GLB1: variants seen among roughly 807,000 people sequenced by gnomAD.
The protein encoded by GLB1 is galactosidase beta 1, also known as beta-galactosidase.
GLB1 carries 56 observed loss-of-function variants against 74.0 expected under a neutral mutation model. The ratio of observed to expected loss-of-function variants is 0.76; its 90% CI spans 0.61 to 0.94. The LOEUF is 0.94. Ranked by LOEUF, GLB1 falls within the 40% of genes least tolerant of loss-of-function variation. The pLI, the probability that GLB1 is intolerant of heterozygous loss-of-function variation, is 0.00. For synonymous variants in GLB1, 323 were observed against 323.6 expected (o/e 1.00, Z 0.02); for missense variants, 787 against 845.5 (o/e 0.93, Z 0.86).
At chr3:33,079,308 T>G (rs552482004) in intron 1 of GLB1, among the ~76,000 whole-genome samples, 10 of 152,180 alleles carry the variant, frequency 6.6e-5, no homozygotes, top group Non-Finnish European at 1.0e-4. Context: ...CATCAAATGG[T>G]ACGTTTAAGA....
chr3:33,007,216 T>G (rs1696824847), intron 15 of GLB1, among the ~76,000 whole-genome samples: 1 of 152,234 alleles, frequency 6.6e-6, no homozygotes, highest in African/African-American at 2.4e-5. Flanking sequence ...GCCTTGTGTG[T>G]GGCACTTTAT....
intron 12 of GLB1, among the ~76,000 whole-genome samples, chr3:33,019,752 G>A (rs1697392435): frequency 6.6e-6 from 1 of 152,226 alleles, no homozygotes; most frequent in Non-Finnish European, 1.5e-5. Flanking sequence ...GGAAAGCTTT[G>A]TCAAGGGCTT....
At chr3:32,988,324 G>A in the GLB1 span, among the ~76,000 whole-genome samples, 41 of 152,120 alleles carry the variant, frequency 2.7e-4, no homozygotes, top group African/African-American at 9.9e-4. Flanking sequence ...GGCAAAATTG[G>A]TCACTAAGAG....
chr3:32,976,405 G>A, the GLB1 span, among the ~76,000 whole-genome samples: 2 of 152,120 alleles, frequency 1.3e-5, no homozygotes, highest in African/African-American at 2.4e-5. Context: ...AGGCTGCCTT[G>A]GTCCACATGC....
intron 14 of GLB1, among the ~76,000 whole-genome samples, chr3:33,016,148 C>A (rs1184804626): frequency 6.6e-6 from 1 of 152,122 alleles, no homozygotes; most frequent in Non-Finnish European, 1.5e-5. Context: ...TAAAACAGGG[C>A]AGAACAGAGG....
chr3:33,093,246 C>A lies in GLB1; in HGVS notation c.75+3765G>T. 1 of 1,614,132 alleles carries A rather than the reference C, an allele frequency of 6.2e-7. No homozygotes were observed. The highest frequency in any genetic ancestry group is 2.2e-5 in the East Asian group (1 of 44,870). ...ATCCTCACTCCCACTGCCACTGCCA[C>A]CACCACCACGTTGGGCCCGTGTGGC... On this transcript the variant is annotated intron_variant, in intron 1 of 15. Coordinates refer to ENST00000307363, the MANE Select transcript of GLB1 (RefSeq NM_000404.4). This position sits in a 1 kb window ranked among gnomAD's most constrained non-coding sequence, Gnocchi z 6.0.
intron 1 of GLB1, chr3:33,094,320 G>C (rs1700911900): frequency 3.4e-6 from 5 of 1,472,970 alleles, no homozygotes; most frequent in Middle Eastern, 2.1e-4. Flanking sequence ...CCAGGAACCA[G>C]CATCAGCTTT....
At chr3:32,985,763 T>A in the GLB1 span, among the ~76,000 whole-genome samples, 1 of 152,168 alleles carries the variant, frequency 6.6e-6, no homozygotes, top group Non-Finnish European at 1.5e-5. Context: ...TTCAGTGCAG[T>A]GGCATGATTT....
chr3:33,068,972 T>C lies in GLB1; in HGVS notation c.246-2A>G, dbSNP rs2125548861. On this transcript the variant is annotated splice_acceptor_variant, in intron 2 of 15. Coordinates refer to ENST00000307363, the MANE Select transcript of GLB1 (RefSeq NM_000404.4). LOFTEE classifies it high-confidence loss of function. Reference sequence around the variant, plus strand: ...TCATGAAAGTTCCAGGGCACATACCTGCCAAGACACACACAGCCCCTTCCT... The same window carrying C: ...TCATGAAAGTTCCAGGGCACATACCCGCCAAGACACACACAGCCCCTTCCT... 1.2e-6 allele frequency: 2 copies of C among 1,614,142 alleles called. No homozygotes were observed. Among genetic ancestry groups the C allele is most frequent in the South Asian group, 1.1e-5 (1 of 91,070 alleles).
In GLB1 at chr3:33,097,086, G is replaced by C; in HGVS notation, c.-1C>G. On this transcript the variant is annotated 5_prime_UTR_variant, in exon 1 of 16. Transcript: ENST00000307363. ...GGATGCGAACCAGGAACCCCGGCATGACCACCAGCCTCCCGGCTCTGCAGT... is the reference window on the plus strand; with the variant it reads ...GGATGCGAACCAGGAACCCCGGCATCACCACCAGCCTCCCGGCTCTGCAGT... The C allele has an allele frequency of 6.2e-7, 1 of 1,612,474 alleles. No individual in the cohort carries two copies. Among genetic ancestry groups the C allele is most frequent in the Non-Finnish European group, 8.5e-7 (1 of 1,179,050 alleles).
chr3:33,018,891 G>C (rs1037000480), intron 12 of GLB1, among the ~76,000 whole-genome samples: 1 of 152,164 alleles, frequency 6.6e-6, no homozygotes, highest in Admixed American at 6.5e-5. Flanking sequence ...AGTTATGGAT[G>C]TTAGCTCCAA....
At chr3:33,096,149 T>C (rs1030404804) in intron 1 of GLB1, among the ~76,000 whole-genome samples, 1 of 152,154 alleles carries the variant, frequency 6.6e-6, no homozygotes, top group African/African-American at 2.4e-5. Context: ...ACCTACACCC[T>C]GGAGGAACCA....
the GLB1 span, among the ~76,000 whole-genome samples, chr3:32,977,208 ATT>A: frequency 7.8e-5 from 11 of 140,134 alleles, no homozygotes; most frequent in African/African-American, 5.3e-5. Context: ...CCTCATCTAG[ATT>A]TTTTTTTTTT....
chr3:32,967,929 G>A, the GLB1 span, among the ~76,000 whole-genome samples: 305 of 152,296 alleles, frequency 2.0e-3, 1 homozygote, highest in Admixed American at 3.5e-3. Context: ...GCCCAAGGCA[G>A]GGAAGCCTGT....
At position 33,011,970 on chromosome 3, in the gene GLB1, G is replaced by A. The variant is rs372654257; in HGVS notation, c.1734+2086C>T. Reference sequence around the variant, plus strand: ...GGGCCTCCTTGCTTCTAAAACCACCGAAGTGCTTCTGTCTTTATCTTATTT... The same window carrying A: ...GGGCCTCCTTGCTTCTAAAACCACCAAAGTGCTTCTGTCTTTATCTTATTT... On this transcript the variant is annotated intron_variant, in intron 15 of 15. Coordinates refer to ENST00000307363, the MANE Select transcript of GLB1 (RefSeq NM_000404.4). 3.9e-5 allele frequency among the ~76,000 whole-genome samples: 6 copies of A among 152,258 alleles called. No individual in the cohort carries two copies. In the East Asian group the frequency reaches 9.6e-4, roughly 24 times the overall value.
At chr3:33,008,089 C>A (rs868700926) in intron 15 of GLB1, among the ~76,000 whole-genome samples, 1 of 152,174 alleles carries the variant, frequency 6.6e-6, no homozygotes, top group East Asian at 1.9e-4. Context: ...GTAACTCTTG[C>A]GTGTGACACC....
the GLB1 span, among the ~76,000 whole-genome samples, chr3:32,963,290 G>GA: frequency 3.3e-5 from 5 of 151,696 alleles, no homozygotes; most frequent in South Asian, 2.1e-4. Context: ...ATTCCAAACA[G>GA]AAAAAAAATA....
rs1405705728 is a variant in GLB1, at chr3:33,018,557, T to A, written c.1238A>T (p.Tyr413Phe). 1 of 1,613,920 alleles carries A rather than the reference T, an allele frequency of 6.2e-7. No individual in the cohort carries two copies. The highest frequency in any genetic ancestry group is 1.3e-5 in the African/African-American group (1 of 74,876). Reference protein sequence around the residue: ...PLTFIQVKQHYGFVLYRTTLP... With the variant: ...PLTFIQVKQHFGFVLYRTTLP... ...TGTTGTCCGGTACAGCACAAACCCA[T>A]AATGCTGGTTAGAAAAGGATTTAAG... Residue 413 changes from tyrosine (Y) to phenylalanine (F), a missense_variant, in exon 13 of 16, where the codon TAT becomes TTT. Physicochemically the swap from Tyr to Phe is conservative, Grantham distance 22 (BLOSUM62 3). Transcript: ENST00000307363.
chr3:33,069,491 C>T (rs1699814983), intron 2 of GLB1, among the ~76,000 whole-genome samples: 1 of 152,106 alleles, frequency 6.6e-6, no homozygotes, highest in Admixed American at 6.5e-5. Flanking sequence ...TCCAATGGGC[C>T]CACTGAGGCT....
Sources: gnomAD v4.1 joint callset for allele counts (sites outside exome capture counted in the v4.1 genomes callset) on GRCh38, gnomAD v4.1.1 for gene constraint, Gnocchi (gnomAD v3.1) non-coding constraint, MANE v1.5 for transcripts, NCBI Gene and HGNC (gene_info 2026-07-23, HGNC 2026-07-21) for gene names.